The following PCDH15 variants were observed in gnomAD, a reference collection of about 807,000 sequenced individuals.
PCDH15 encodes the protein protocadherin related 15, also known as protocadherin-15.
In PCDH15, 129 loss-of-function variants were observed where a neutral mutation model predicts 178.5. That is an observed-to-expected ratio of 0.72 (90% CI 0.63 to 0.84). The LOEUF is 0.84. PCDH15 is among the 40% of genes least tolerant of loss of function. The pLI, the probability that PCDH15 is intolerant of heterozygous loss-of-function variation, is 0.00. For missense variants in PCDH15, 2,230 were observed against 2,099.9 expected, an observed-to-expected ratio of 1.06 and a Z score of -1.21; for synonymous variants, 800 against 732.0, an observed-to-expected ratio of 1.09 and a Z score of -1.50.
intron 2 of PCDH15, among the ~76,000 whole-genome samples, chr10:54,941,744 G>C (rs1838069118): frequency 6.6e-6 from 1 of 152,032 alleles, no homozygotes; most frequent in Admixed American, 6.6e-5. Context: ...CTATACTGGA[G>C]ATTATATTTG....
intron 13 of PCDH15, among the ~76,000 whole-genome samples, chr10:54,167,446 G>A (rs189921487): frequency 4.6e-5 from 7 of 152,214 alleles, no homozygotes; most frequent in Admixed American, 1.3e-4. Flanking sequence ...CGCCGGTCAC[G>A]GACAGGGAAG....
At chr10:55,283,976 T>C (rs1179396788) in intron 1 of PCDH15, among the ~76,000 whole-genome samples, 2 of 152,170 alleles carry the variant, frequency 1.3e-5, no homozygotes, top group African/African-American at 4.8e-5. Context: ...ATACAATACA[T>C]GGCTTTGTAT....
At chr10:54,055,672 C>G (rs866120091) in intron 18 of PCDH15, among the ~76,000 whole-genome samples, 9 of 152,152 alleles carry the variant, frequency 5.9e-5, no homozygotes, top group South Asian at 2.1e-4. Context: ...TTCCCTCCCC[C>G]CTCAACCTCC....
intron 1 of PCDH15, among the ~76,000 whole-genome samples, chr10:54,754,298 G>A (rs922672174): frequency 1.3e-5 from 2 of 152,066 alleles, no homozygotes; most frequent in South Asian, 4.1e-4. Context: ...TGCAATCAAC[G>A]AACATTGAGC....
At chr10:54,431,068 T>G (rs1956909363) in intron 3 of PCDH15, among the ~76,000 whole-genome samples, 1 of 151,600 alleles carries the variant, frequency 6.6e-6, no homozygotes, top group Admixed American at 6.6e-5. Context: ...CAAGAAGAAA[T>G]AAAAAAACTG....
chr10:54,698,607 C>T (rs2095266466), intron 1 of PCDH15, among the ~76,000 whole-genome samples: 2 of 152,112 alleles, frequency 1.3e-5, no homozygotes, highest in South Asian at 4.1e-4. Context: ...TACATCATTT[C>T]AAAACTATAT....
At chr10:55,225,357 A>G (rs889982446) in intron 1 of PCDH15, among the ~76,000 whole-genome samples, 2 of 152,132 alleles carry the variant, frequency 1.3e-5, no homozygotes, top group Admixed American at 6.5e-5. Context: ...CCAACCCTCT[A>G]TTATCATTGC....
chr10:54,431,254 C>A (rs1424102684), intron 3 of PCDH15, among the ~76,000 whole-genome samples: 2 of 151,992 alleles, frequency 1.3e-5, no homozygotes, highest in African/African-American at 4.8e-5. Flanking sequence ...AAAACTCATT[C>A]TATGAGGCCA....
chr10:55,327,292 A>C (rs1844057624), intron 2 of PCDH15, among the ~76,000 whole-genome samples: 1 of 152,134 alleles, frequency 6.6e-6, no homozygotes, highest in South Asian at 2.1e-4. Context: ...CCGAGTCTTC[A>C]AAATTGTGAG....
intron 1 of PCDH15, among the ~76,000 whole-genome samples, chr10:55,272,380 A>G (rs995017803): frequency 2.0e-5 from 3 of 149,714 alleles, no homozygotes; most frequent in Non-Finnish European, 3.0e-5. Context: ...ATTTATATTT[A>G]TATTTATTTA....
At chr10:54,275,303 T>C (rs1160095459) in intron 8 of PCDH15, among the ~76,000 whole-genome samples, 2 of 151,906 alleles carry the variant, frequency 1.3e-5, no homozygotes, top group Non-Finnish European at 2.9e-5. Flanking sequence ...GTTTAACTCA[T>C]TTAATTTTCC....
At chr10:53,913,914 C>G (rs2083331017) in intron 25 of PCDH15, among the ~76,000 whole-genome samples, 2 of 152,032 alleles carry the variant, frequency 1.3e-5, no homozygotes, top group Non-Finnish European at 2.9e-5. Context: ...AACAAACTTA[C>G]CAGAAAAAAT....
chr10:53,873,925 C>A (rs1360542273), intron 26 of PCDH15, among the ~76,000 whole-genome samples: 1 of 152,136 alleles, frequency 6.6e-6, no homozygotes, highest in South Asian at 2.1e-4. Context: ...ACGCAGCCAT[C>A]CATGAACCAG....
chr10:55,138,410 A>G (rs191640761), intron 2 of PCDH15, among the ~76,000 whole-genome samples: 8 of 152,058 alleles, frequency 5.3e-5, no homozygotes, highest in Non-Finnish European at 1.2e-4. Flanking sequence ...CTTATTTGCA[A>G]CTCTAATAGA....
chr10:53,879,949 G>A (rs993557384), intron 26 of PCDH15, among the ~76,000 whole-genome samples: 11 of 152,338 alleles, frequency 7.2e-5, no homozygotes, highest in African/African-American at 2.4e-4. Context: ...ATCGCGGCTA[G>A]CCGTAACTTT....
In PCDH15 at chr10:54,252,822, C is replaced by T. The variant is rs562886658; in HGVS notation, c.877-15891G>A. Reference sequence around the variant, plus strand: ...TTAGACGGCCTTGCAGTGACTGTCCCAGGGAACATTCAATAAATATTAGTT... The same window carrying T: ...TTAGACGGCCTTGCAGTGACTGTCCTAGGGAACATTCAATAAATATTAGTT... On this transcript the variant is annotated intron_variant, in intron 8 of 37. Transcript: ENST00000644397. Among the ~76,000 whole-genome samples the T allele has an allele frequency of 2.0e-5, 3 of 151,786 alleles. No homozygotes were observed. The East Asian group carries it at 5.8e-4, about 29-fold the overall frequency.
intron 2 of PCDH15, among the ~76,000 whole-genome samples, chr10:54,981,866 C>G (rs1334979271): frequency 1.3e-5 from 2 of 152,056 alleles, no homozygotes; most frequent in Non-Finnish European, 2.9e-5. Context: ...ACCTTGAACT[C>G]CCAGGCTCAA....
At chr10:54,035,521 A>G (rs1256595563) in intron 18 of PCDH15, among the ~76,000 whole-genome samples, 2 of 151,906 alleles carry the variant, frequency 1.3e-5, no homozygotes, top group African/African-American at 4.8e-5. Flanking sequence ...AATTTAATTA[A>G]TAAAGGTTCT....
chr10:54,229,327 A>C (rs193185540), intron 9 of PCDH15, among the ~76,000 whole-genome samples: 1 of 152,362 alleles, frequency 6.6e-6, no homozygotes, highest in Admixed American at 6.5e-5. Context: ...GAACATTGAA[A>C]ATTTAATGAC....
Sources: gnomAD v4.1 joint callset for allele counts (sites outside exome capture counted in the v4.1 genomes callset) on GRCh38, gnomAD v4.1.1 for gene constraint, MANE v1.5 for transcripts, NCBI Gene and HGNC (gene_info 2026-07-23, HGNC 2026-07-21) for gene names.